The following CAMK2D variants were observed in gnomAD, a reference collection of about 807,000 sequenced individuals.
CAMK2D encodes the protein calcium/calmodulin-dependent protein kinase type II subunit delta.
A neutral mutation model predicts 84.0 loss-of-function variants in CAMK2D; 37 were observed. That is an observed-to-expected ratio of 0.44 (90% CI 0.34 to 0.58). CAMK2D has a LOEUF of 0.58. Among genes scored for constraint, CAMK2D ranks in the 20% least tolerant of loss-of-function variants. The pLI, the probability that CAMK2D is intolerant of heterozygous loss-of-function variation, is 0.02. For synonymous variants in CAMK2D, 202 were observed against 212.5 expected (o/e 0.95, Z 0.43); for missense variants, 448 against 652.5 (o/e 0.69, Z 3.41).
chr4:113,631,910 A>C (rs2154287376), intron 3 of CAMK2D, among the ~76,000 whole-genome samples: 1 of 152,300 alleles, frequency 6.6e-6, no homozygotes, highest in Non-Finnish European at 1.5e-5. Context: ...TACACTTGAA[A>C]GTTTTGAAGG....
chr4:113,710,188 T>A lies in CAMK2D; in HGVS notation c.161-48416A>T, dbSNP rs1240439742. ...AAGCTCTCAATGACATATATGTAGATGATAGCAGGTTAAGTTATATTTATT... is the reference window on the plus strand; with the variant it reads ...AAGCTCTCAATGACATATATGTAGAAGATAGCAGGTTAAGTTATATTTATT... On this transcript the variant is annotated intron_variant, in intron 2 of 20. Transcript: ENST00000511664. Among the ~76,000 whole-genome samples, 37 of 152,124 alleles carry A rather than the reference T, an allele frequency of 2.4e-4. 1 individual carries two copies.
chr4:113,481,329 C>G (rs1169696590), intron 16 of CAMK2D, among the ~76,000 whole-genome samples: 3 of 152,034 alleles, frequency 2.0e-5, no homozygotes, highest in Admixed American at 6.6e-5. Flanking sequence ...ATAAACAAAA[C>G]AGACAAAAAT....
chr4:113,650,196 G>A (rs2099167304), intron 3 of CAMK2D, among the ~76,000 whole-genome samples: 1 of 151,764 alleles, frequency 6.6e-6, no homozygotes, highest in Non-Finnish European at 1.5e-5. Context: ...AATATCAAAT[G>A]TGGACATAAA....
intron 6 of CAMK2D, among the ~76,000 whole-genome samples, chr4:113,538,957 C>T (rs1244606393): frequency 6.6e-6 from 1 of 152,076 alleles, no homozygotes; most frequent in Non-Finnish European, 1.5e-5. Context: ...TTTTAACCAC[C>T]TCAACACTAA....
chr4:113,618,329 G>A (rs2099030353), intron 3 of CAMK2D, among the ~76,000 whole-genome samples: 1 of 152,096 alleles, frequency 6.6e-6, no homozygotes, highest in South Asian at 2.1e-4. Context: ...AATTAACCGA[G>A]CAGATGAGCT....
intron 19 of CAMK2D, 193 bp downstream of exon 19, chr4:113,457,142 T>G: frequency 7.1e-7 from 1 of 1,412,578 alleles, no homozygotes; most frequent in Non-Finnish European, 9.2e-7. Context: ...ATAGCAAGTT[T>G]CAACCCACAA....
At chr4:113,634,505 T>C (rs2189363) in intron 3 of CAMK2D, among the ~76,000 whole-genome samples, 19,725 of 152,128 alleles carry the variant, frequency 0.13, 1,448 homozygotes, top group Middle Eastern at 0.21. Context: ...GGAAAAAGCA[T>C]TATTGAGCAT....
chr4:113,699,044 A>T (rs2099411010), intron 2 of CAMK2D, among the ~76,000 whole-genome samples: 1 of 152,136 alleles, frequency 6.6e-6, no homozygotes, highest in African/African-American at 2.4e-5. Flanking sequence ...ATTGCCTAGA[A>T]GAAATGATGT....
At chr4:113,470,384 G>A (rs1044519332) in intron 16 of CAMK2D, among the ~76,000 whole-genome samples, 1 of 152,134 alleles carries the variant, frequency 6.6e-6, no homozygotes, top group Non-Finnish European at 1.5e-5. Context: ...GGTGGCTCAT[G>A]CCTGTAATCT....
At chr4:113,539,950 CTTT>C (rs1462390654) in intron 6 of CAMK2D, among the ~76,000 whole-genome samples, 3 of 152,150 alleles carry the variant, frequency 2.0e-5, no homozygotes, top group African/African-American at 4.8e-5. Flanking sequence ...GGATTATTCA[CTTT>C]TTAATATTTC....
chr4:113,493,498 C>T (rs920049846), intron 16 of CAMK2D, among the ~76,000 whole-genome samples: 14 of 152,336 alleles, frequency 9.2e-5, no homozygotes, highest in Admixed American at 2.0e-4. Context: ...TGTAGGGTTT[C>T]TGCCGAGAGA....
intron 2 of CAMK2D, among the ~76,000 whole-genome samples, chr4:113,690,173 C>T (rs1460394033): frequency 6.6e-6 from 1 of 152,040 alleles, no homozygotes; most frequent in Admixed American, 6.5e-5. Flanking sequence ...CCAAGGAAAA[C>T]AAAAGAAAAT....
At chr4:113,476,828 A>T (rs754112465) in intron 16 of CAMK2D, among the ~76,000 whole-genome samples, 8 of 152,292 alleles carry the variant, frequency 5.3e-5, no homozygotes, top group Non-Finnish European at 8.8e-5. Flanking sequence ...TGGTGAACCA[A>T]CTGATGCCAC....
In CAMK2D at chr4:113,571,468, T is replaced by A. The variant is rs530783136; in HGVS notation, c.276-19372A>T. Reference sequence around the variant, plus strand: ...TATTCAGCCTTTAAAAAGAAGGGAATCTTGTTATTTGTAAAAACATGGATG... The same window carrying A: ...TATTCAGCCTTTAAAAAGAAGGGAAACTTGTTATTTGTAAAAACATGGATG... On this transcript the variant is annotated intron_variant, in intron 4 of 20. Coordinates refer to ENST00000511664, the MANE Select transcript of CAMK2D (RefSeq NM_001321571.2). 1.9e-4 allele frequency among the ~76,000 whole-genome samples: 29 copies of A among 152,280 alleles called. 2 individuals are homozygous for A. In the South Asian group the frequency reaches 6.0e-3, roughly 32 times the overall value.
chr4:113,525,689 C>T (rs964738475), intron 8 of CAMK2D, among the ~76,000 whole-genome samples: 17 of 152,278 alleles, frequency 1.1e-4, no homozygotes, highest in African/African-American at 3.9e-4. Context: ...TATACCAATG[C>T]CCTGCTTCAC....
At position 113,602,744 on chromosome 4, in the gene CAMK2D, C is replaced by T. The variant is rs187168155; in HGVS notation, c.275+6408G>A. Reference sequence around the variant, plus strand: ...AACCACCCTTTTGAGTTACTCATCTCTGAGTGCTTCCATGTGAACGTATTA... The same window carrying T: ...AACCACCCTTTTGAGTTACTCATCTTTGAGTGCTTCCATGTGAACGTATTA... On this transcript the variant is annotated intron_variant, in intron 4 of 20. Transcript: ENST00000511664. Among the ~76,000 whole-genome samples, 3 of 152,326 alleles carry T rather than the reference C, an allele frequency of 2.0e-5. No individual in the cohort carries two copies. The East Asian group carries it at 5.8e-4, about 29-fold the overall frequency.
intron 10 of CAMK2D, among the ~76,000 whole-genome samples, chr4:113,514,233 C>G (rs907140022): frequency 6.6e-6 from 1 of 151,886 alleles, no homozygotes; most frequent in African/African-American, 2.4e-5. Context: ...GCCAACATGG[C>G]GAAACCGCAT....
chr4:113,724,609 T>C (rs911606152), intron 2 of CAMK2D, among the ~76,000 whole-genome samples: 1 of 151,918 alleles, frequency 6.6e-6, no homozygotes, highest in Non-Finnish European at 1.5e-5. Flanking sequence ...TTTTAGTCCA[T>C]GCCTTTGGTT....
rs2099553801 is a variant in CAMK2D, at chr4:113,728,822, G to A, written c.160+30498C>T. ...TTTAGTGAAGATCAAATGAGATAAT[G>A]GATAGGAAACACTTACTACAGTGCA... On this transcript the variant is annotated intron_variant, in intron 2 of 20. Coordinates refer to ENST00000511664, the MANE Select transcript of CAMK2D (RefSeq NM_001321571.2). 2.0e-5 allele frequency among the ~76,000 whole-genome samples: 3 copies of A among 152,012 alleles called. No homozygotes were observed. In the South Asian group the frequency reaches 6.2e-4, roughly 32 times the overall value.
Sources: gnomAD v4.1 joint callset for allele counts (sites outside exome capture counted in the v4.1 genomes callset) on GRCh38, gnomAD v4.1.1 for gene constraint, MANE v1.5 for transcripts, NCBI Gene and HGNC (gene_info 2026-07-23, HGNC 2026-07-21) for gene names.